The following LRP11 variants were observed in gnomAD, a reference collection of about 807,000 sequenced individuals.
The protein encoded by LRP11 is low-density lipoprotein receptor-related protein 11.
LRP11 carries 25 observed loss-of-function variants against 43.1 expected under a neutral mutation model. That is an observed-to-expected ratio of 0.58 (90% CI 0.42 to 0.81). The LOEUF (loss-of-function observed/expected upper bound fraction) is 0.81, where lower values mean the gene tolerates loss of function less well. Ranked by LOEUF, LRP11 falls within the 30% of genes least tolerant of loss-of-function variation. The pLI is 0.00. For missense variants in LRP11, 623 were observed against 665.1 expected (o/e 0.94, Z 0.70); for synonymous variants, 316 against 299.4 (o/e 1.06, Z -0.57).
intron 5 of LRP11, among the ~76,000 whole-genome samples, chr6:149,829,426 C>T (rs1050880625): frequency 5.9e-5 from 9 of 151,816 alleles, no homozygotes; most frequent in South Asian, 2.1e-4. Flanking sequence ...CTGGGAATGA[C>T]GGCACACGCT....
At chr6:149,830,321 T>G (rs1211416978) in intron 5 of LRP11, among the ~76,000 whole-genome samples, 1 of 152,136 alleles carries the variant, frequency 6.6e-6, no homozygotes, top group Admixed American at 6.6e-5. Context: ...GAGATTATTA[T>G]CCTCTTACAG....
In LRP11 at chr6:149,863,843, C is replaced by T; in HGVS notation, c.178G>A (p.Glu60Lys). 6.6e-7 allele frequency: 1 copy of T among 1,512,358 alleles called. No homozygotes were observed. The highest frequency in any genetic ancestry group is 8.8e-7 in the Non-Finnish European group (1 of 1,139,030). 93.7% of individuals were successfully genotyped at this position (1,512,358 alleles called of 1,614,324 possible). A position where few individuals can be genotyped will look rare whatever the true frequency, so the allele number is the denominator to read the frequency against. The change falls in exon 1 of 7, where the codon GAG becomes AAG. Residue 60 changes from glutamate (E) to lysine (K), a missense_variant. Glu to Lys is a moderately conservative substitution (Grantham distance 56). Coordinates refer to ENST00000239367, the MANE Select transcript of LRP11 (RefSeq NM_032832.6). ...AQLSGVEQLL[E>K]EFRRQLQQER... ...TGCTGCAGTTGCCGGCGGAACTCCTCCAGCAGCTGCTCCACGCCCGACAGC... is the reference window on the plus strand; with the variant it reads ...TGCTGCAGTTGCCGGCGGAACTCCTTCAGCAGCTGCTCCACGCCCGACAGC...
At chr6:149,828,333 A>C (rs183908467) in intron 5 of LRP11, among the ~76,000 whole-genome samples, 80 of 152,262 alleles carry the variant, frequency 5.3e-4, no homozygotes, top group African/African-American at 1.8e-3. Context: ...TTATATTTTT[A>C]CTGCTAGTAG....
intron 5 of LRP11, among the ~76,000 whole-genome samples, chr6:149,834,015 C>A (rs1164217678): frequency 6.6e-6 from 1 of 152,120 alleles, no homozygotes; most frequent in Non-Finnish European, 1.5e-5. Context: ...GCCTGATGCT[C>A]CCCCTCCCCC....
intron 3 of LRP11, among the ~76,000 whole-genome samples, chr6:149,841,670 C>T (rs959753687): frequency 2.6e-5 from 4 of 152,052 alleles, no homozygotes; most frequent in African/African-American, 7.2e-5. Flanking sequence ...CTAAGTGCTT[C>T]GGGAGGCTGA....
In LRP11 at chr6:149,844,455, C is replaced by A. The variant is rs189344869; in HGVS notation, c.772-1331G>T. ...CCATGCTTGCCCTCTGCTCTCCCAA[C>A]ATTCACAGGCAGCTTGCTGAGCATG... On this transcript the variant is annotated intron_variant, in intron 2 of 6. Coordinates refer to ENST00000239367, the MANE Select transcript of LRP11 (RefSeq NM_032832.6). Among the ~76,000 whole-genome samples, 878 of 152,290 alleles carry A rather than the reference C, an allele frequency of 5.8e-3. 11 individuals carry two copies. The highest frequency in any genetic ancestry group is 5.5e-3 in the Non-Finnish European group (372 of 68,020).
chr6:149,823,074 C>A (rs1776296225), intron 6 of LRP11, among the ~76,000 whole-genome samples: 1 of 150,496 alleles, frequency 6.6e-6, no homozygotes, highest in African/African-American at 2.4e-5. Flanking sequence ...AGCAGAGGAC[C>A]AAAAAAAAAC....
intron 1 of LRP11, among the ~76,000 whole-genome samples, chr6:149,856,000 T>C (rs371514072): frequency 1.1e-4 from 17 of 152,354 alleles, no homozygotes; most frequent in Admixed American, 3.3e-4. Context: ...TGTTGACCTT[T>C]TCTTTGGTTC....
At chr6:149,824,816 C>T (rs777252428) in intron 6 of LRP11, among the ~76,000 whole-genome samples, 37 of 152,156 alleles carry the variant, frequency 2.4e-4, no homozygotes, top group Non-Finnish European at 3.5e-4. Context: ...GCTGAGATCG[C>T]GCCGCTGTAC....
intron 3 of LRP11, 85 bp downstream of exon 3, chr6:149,842,898 T>C (rs1776570265): frequency 2.0e-6 from 3 of 1,482,812 alleles, no homozygotes; most frequent in South Asian, 2.3e-5. Flanking sequence ...GAAGAGCCCA[T>C]GGAGCGCAGA....
chr6:149,855,384 T>A (rs1448465412), intron 1 of LRP11, among the ~76,000 whole-genome samples: 1 of 152,138 alleles, frequency 6.6e-6, no homozygotes, highest in Non-Finnish European at 1.5e-5. Flanking sequence ...AAGATTAGAC[T>A]GAATGAAACA....
intron 5 of LRP11, among the ~76,000 whole-genome samples, chr6:149,829,906 A>G (rs1583077861): frequency 6.6e-6 from 1 of 152,184 alleles, no homozygotes. Flanking sequence ...TGTTCTAGCA[A>G]AAATTCAAAC....
At chr6:149,841,544 T>G (rs1028459651) in intron 3 of LRP11, among the ~76,000 whole-genome samples, 1 of 152,218 alleles carries the variant, frequency 6.6e-6, no homozygotes, top group Admixed American at 6.5e-5. Context: ...TCTACAATAC[T>G]ACAATATCTT....
chr6:149,843,449 A>AG (rs1449767334), intron 2 of LRP11, among the ~76,000 whole-genome samples: 1 of 152,094 alleles, frequency 6.6e-6, no homozygotes, highest in Non-Finnish European at 1.5e-5. Context: ...CATCAGCTTC[A>AG]GGGAGAAAAT....
At chr6:149,844,065 C>T (rs763746114) in intron 2 of LRP11, among the ~76,000 whole-genome samples, 17 of 152,214 alleles carry the variant, frequency 1.1e-4, no homozygotes, top group Non-Finnish European at 2.1e-4. Flanking sequence ...CCATCTTGGC[C>T]AACATGGTGA....
chr6:149,857,009 T>C (rs80204290), intron 1 of LRP11, among the ~76,000 whole-genome samples: 6,778 of 152,260 alleles, frequency 0.045, 482 homozygotes, highest in African/African-American at 0.15. Flanking sequence ...ATTTTTGGTA[T>C]GTACTGATCC....
At chr6:149,840,120 G>C (rs1380626143) in intron 3 of LRP11, among the ~76,000 whole-genome samples, 1 of 151,994 alleles carries the variant, frequency 6.6e-6, no homozygotes, top group Admixed American at 6.6e-5. Flanking sequence ...ATATAAGCAG[G>C]GTACCTGCTC....
chr6:149,836,320 T>A, intron 4 of LRP11, 23 bp from the exon 5 acceptor site: 2 of 1,597,854 alleles, frequency 1.3e-6, no homozygotes, highest in Non-Finnish European at 1.7e-6. Context: ...AGAGCTACTG[T>A]TAGTTGCTGG....
intron 1 of LRP11, among the ~76,000 whole-genome samples, chr6:149,853,934 T>TAATAA (rs1776760611): frequency 6.6e-6 from 1 of 152,154 alleles, no homozygotes; most frequent in African/African-American, 2.4e-5. Flanking sequence ...GAATGGGAAA[T>TAATAA]ATATTAAGTT....
Sources: allele counts gnomAD v4.1 joint callset (sites outside exome capture counted in the v4.1 genomes callset), GRCh38; gene constraint gnomAD v4.1.1; transcripts MANE v1.5; gene names NCBI Gene and HGNC (gene_info 2026-07-23, HGNC 2026-07-21).